The following PTPRN2 variants were observed in gnomAD, a reference collection of about 807,000 sequenced individuals.
PTPRN2 encodes the protein protein tyrosine phosphatase receptor type N2.
In PTPRN2, 74 loss-of-function variants were observed where a neutral mutation model predicts 118.8. The observed-to-expected ratio is 0.62, with a 90% CI of 0.52 to 0.76. The LOEUF (loss-of-function observed/expected upper bound fraction) is 0.76. Ranked by LOEUF, PTPRN2 falls within the 30% of genes least tolerant of loss-of-function variation. The probability of loss-of-function intolerance (pLI) is 0.00; values close to 1 mark genes in which losing one functional copy is unlikely to be tolerated. For synonymous variants in PTPRN2, 641 were observed against 608.0 expected, an observed-to-expected ratio of 1.05 and a Z score of -0.80; for missense variants, 1,481 against 1,394.4, an observed-to-expected ratio of 1.06 and a Z score of -0.99.
At chr7:157,717,487 C>T (rs79566800) in intron 12 of PTPRN2, among the ~76,000 whole-genome samples, 4,448 of 152,346 alleles carry the variant, frequency 0.029, 196 homozygotes, top group African/African-American at 0.093. Context: ...AGTGAGTGTC[C>T]GAGCCTGCAA....
At chr7:157,938,783 C>A (rs574411856) in intron 11 of PTPRN2, among the ~76,000 whole-genome samples, 4 of 152,280 alleles carry the variant, frequency 2.6e-5, no homozygotes, top group African/African-American at 4.8e-5. Flanking sequence ...AAAGAACCAC[C>A]CTTTGGGGTG....
At chr7:157,660,234 A>G (rs1795822959) in intron 13 of PTPRN2, among the ~76,000 whole-genome samples, 3 of 152,146 alleles carry the variant, frequency 2.0e-5, no homozygotes, top group Admixed American at 2.0e-4. Flanking sequence ...CCTCTGGGGA[A>G]GAGGATTTGA....
At chr7:157,838,412 A>G (rs1198316797) in intron 12 of PTPRN2, among the ~76,000 whole-genome samples, 1 of 138,610 alleles carries the variant, frequency 7.2e-6, no homozygotes, top group African/African-American at 2.8e-5. Context: ...CTCATAGTGG[A>G]TGGCACGGGA....
chr7:157,570,328 G>A (rs1198982283), intron 20 of PTPRN2, among the ~76,000 whole-genome samples: 1 of 152,206 alleles, frequency 6.6e-6, no homozygotes, highest in African/African-American at 2.4e-5. Flanking sequence ...ACATTTGTGG[G>A]TAAAAAAGAT....
At chr7:158,052,391 C>T (rs1285905777) in intron 11 of PTPRN2, among the ~76,000 whole-genome samples, 1 of 152,186 alleles carries the variant, frequency 6.6e-6, no homozygotes, top group Non-Finnish European at 1.5e-5. Flanking sequence ...GAAGCAGTGA[C>T]TACTGGTTCT....
chr7:158,483,863 C>A (rs191498503), intron 2 of PTPRN2, among the ~76,000 whole-genome samples: 1 of 152,056 alleles, frequency 6.6e-6, no homozygotes, highest in Non-Finnish European at 1.5e-5. Context: ...GTTGGCCGGG[C>A]GCAATGGCTC....
At chr7:158,310,742 A>G (rs10949712) in intron 3 of PTPRN2, among the ~76,000 whole-genome samples, 91,995 of 95,398 alleles carry the variant, frequency 0.96, 44,658 homozygotes, top group Middle Eastern at 0.98. Context: ...CACGGAGGGC[A>G]AGCCCTGAGC....
intron 2 of PTPRN2, among the ~76,000 whole-genome samples, chr7:158,373,823 C>T (rs7784443): frequency 0.88 from 133,559 of 152,304 alleles, 58,924 homozygotes; most frequent in East Asian, 0.99. Context: ...CGCTCTCATC[C>T]GGCAGCATCT....
In PTPRN2 at chr7:157,854,948, C is replaced by T. The variant is rs1187272127; in HGVS notation, c.1788+43725G>A. ...GCTGGATCGGGGAGGATGGCTGTGCCGTTGTAGGGGTGTGTGTGGGGCTGG... is the reference window on the plus strand; with the variant it reads ...GCTGGATCGGGGAGGATGGCTGTGCTGTTGTAGGGGTGTGTGTGGGGCTGG... On this transcript the variant is annotated intron_variant, in intron 12 of 22. Coordinates refer to ENST00000389418, the MANE Select transcript of PTPRN2 (RefSeq NM_002847.5). 65 of 150,692 alleles carry T rather than the reference C, an allele frequency of 4.3e-4. No individual in the cohort carries two copies. In the South Asian group the frequency reaches 6.6e-3, roughly 15 times the overall value. The allele number at this position is 150,692 out of a possible 1,614,324, so 9.3% of individuals were successfully genotyped here.
intron 11 of PTPRN2, among the ~76,000 whole-genome samples, chr7:157,935,055 C>T (rs1172368455): frequency 6.6e-6 from 1 of 152,148 alleles, no homozygotes; most frequent in African/African-American, 2.4e-5. Flanking sequence ...GGGAATGTAA[C>T]GTCTCTCCTC....
chr7:157,789,954 G>GTGTCT (rs1804341645), intron 12 of PTPRN2, among the ~76,000 whole-genome samples: 1 of 149,310 alleles, frequency 6.7e-6, no homozygotes, highest in African/African-American at 2.5e-5. Context: ...GTGTGTGTGT[G>GTGTCT]GTGGTGACAT....
rs57373448 is a variant in PTPRN2, at chr7:157,619,504, G to A, written c.2344+1858C>T. Among the ~76,000 whole-genome samples the A allele has an allele frequency of 0.01, 1,584 of 152,244 alleles. 27 individuals are homozygous for A. The highest frequency in any genetic ancestry group is 0.037 in the African/African-American group (1,520 of 41,540). ...TGTTAGTAGCCCCCGACACAGGGCC[G>A]GTGCTTAGTAAATATCTGTTAGTTG... On this transcript the variant is annotated intron_variant, in intron 15 of 22. Transcript: ENST00000389418. This position sits in a 1 kb window ranked among gnomAD's most constrained non-coding sequence, Gnocchi z 5.3.
At position 158,456,086 on chromosome 7, in the gene PTPRN2, G is replaced by A. The variant is rs138135945; in HGVS notation, c.163+33649C>T. 7.0e-3 allele frequency among the ~76,000 whole-genome samples: 1,034 copies of A among 147,906 alleles called. 12 individuals are homozygous for A. The highest frequency in any genetic ancestry group is 8.0e-3 in the Non-Finnish European group (540 of 67,232). ...CAACGACATGGACGCCATCGGCCACGGCCCCCCATCAATCTGCGGAGAAGA... is the reference window on the plus strand; with the variant it reads ...CAACGACATGGACGCCATCGGCCACAGCCCCCCATCAATCTGCGGAGAAGA... On this transcript the variant is annotated intron_variant, in intron 2 of 22. Transcript: ENST00000389418.
At chr7:157,721,054 G>A (rs576405306) in intron 12 of PTPRN2, among the ~76,000 whole-genome samples, 3 of 152,288 alleles carry the variant, frequency 2.0e-5, no homozygotes, top group East Asian at 1.9e-4. Flanking sequence ...TATCACAGCC[G>A]CTCAGGATGC....
intron 2 of PTPRN2, among the ~76,000 whole-genome samples, chr7:158,419,708 T>C (rs762519655): frequency 1.8e-4 from 27 of 152,200 alleles, no homozygotes; most frequent in Admixed American, 1.6e-3. Flanking sequence ...CAGCACTCGG[T>C]GTGGCCAGCA....
chr7:158,249,069 CAT>C (rs1796473000), intron 3 of PTPRN2, among the ~76,000 whole-genome samples: 1 of 150,276 alleles, frequency 6.7e-6, no homozygotes, highest in African/African-American at 2.5e-5. Flanking sequence ...ACATCACACA[CAT>C]ACACCACACA....
intron 12 of PTPRN2, among the ~76,000 whole-genome samples, chr7:157,844,265 G>A (rs1808642602): frequency 2.0e-5 from 3 of 152,194 alleles, no homozygotes; most frequent in South Asian, 2.1e-4. Flanking sequence ...GTGGTGAGAC[G>A]GCCACACACT....
At chr7:158,345,179 T>C (rs1422307060) in intron 2 of PTPRN2, among the ~76,000 whole-genome samples, 1 of 152,160 alleles carries the variant, frequency 6.6e-6, no homozygotes, top group Non-Finnish European at 1.5e-5. Context: ...TCAACTATGA[T>C]GGCATAAACA....
chr7:158,197,142 G>T (rs1353895976), intron 4 of PTPRN2, among the ~76,000 whole-genome samples: 1 of 152,198 alleles, frequency 6.6e-6, no homozygotes, highest in Non-Finnish European at 1.5e-5. Flanking sequence ...CAGCACTGTG[G>T]CATCACCCAA....
Sources: gnomAD v4.1 joint callset for allele counts (sites outside exome capture counted in the v4.1 genomes callset) on GRCh38, gnomAD v4.1.1 for gene constraint, Gnocchi (gnomAD v3.1) non-coding constraint, MANE v1.5 for transcripts, NCBI Gene and HGNC (gene_info 2026-07-23, HGNC 2026-07-21) for gene names.